DYSF: variants seen among roughly 807,000 people sequenced by gnomAD.
The protein encoded by DYSF is dysferlin.
DYSF carries 212 observed loss-of-function variants against 274.9 expected under a neutral mutation model. That is an observed-to-expected ratio of 0.77 (90% confidence interval 0.69 to 0.86). The LOEUF is 0.86. DYSF is among the 40% of genes least tolerant of loss of function. DYSF has a pLI of 0.00. For missense variants in DYSF, 2,666 were observed against 2,783.2 expected (o/e 0.96, Z 0.95); for synonymous variants, 1,091 against 1,078.7 (o/e 1.01, Z -0.22).
intron 18 of DYSF, 44 bp from the exon 19 acceptor site, chr2:71,551,563 C>A: frequency 1.3e-6 from 2 of 1,532,448 alleles, no homozygotes; most frequent in Non-Finnish European, 1.8e-6. Flanking sequence ...TTCCCCTCCT[C>A]CCCTCTGTCT....
At position 71,454,025 on chromosome 2, in the gene DYSF, C is replaced by G. The variant is rs771520271; in HGVS notation, c.27C>G (p.Ala9=). 22 of 1,614,074 alleles carry G rather than the reference C, an allele frequency of 1.4e-5. 1 individual carries two copies. The highest frequency in any genetic ancestry group is 1.9e-5 in the Non-Finnish European group (22 of 1,180,034). The change falls in exon 1 of 55, where the codon GCC becomes GCG. Residue 9 remains alanine (A), a synonymous_variant. Coordinates refer to the DYSF transcript ENST00000258104. ...TGCTGAGGGTCTTCATCCTCTATGCCGAGAACGTCCACACACCCGACACCG... is the reference window on the plus strand; with the variant it reads ...TGCTGAGGGTCTTCATCCTCTATGCGGAGAACGTCCACACACCCGACACCG...
At chr2:71,612,897 T>C (rs748213594) in intron 39 of DYSF, 91 bp downstream of exon 39, 35 of 1,446,458 alleles carry the variant, frequency 2.4e-5, no homozygotes, top group Non-Finnish European at 2.9e-5. Context: ...CTGAAACCCT[T>C]CTCTTACGGA....
intron 42 of DYSF, among the ~76,000 whole-genome samples, chr2:71,655,297 A>T (rs1418255915): frequency 2.0e-5 from 3 of 152,214 alleles, no homozygotes; most frequent in African/African-American, 2.4e-5. Context: ...AATTTTAATA[A>T]TGAACCTGTG....
At chr2:71,547,188 A>C (rs1458842221) in intron 17 of DYSF, among the ~76,000 whole-genome samples, 3 of 152,246 alleles carry the variant, frequency 2.0e-5, no homozygotes, top group Non-Finnish European at 4.4e-5. Context: ...GTCTGCAGAC[A>C]CAGGGGCGAG....
chr2:71,570,168 G>A, intron 27 of DYSF, 61 bp from the exon 28 acceptor site: 1 of 1,476,620 alleles, frequency 6.8e-7, no homozygotes, highest in African/African-American at 1.4e-5. Context: ...CATCTTTTCT[G>A]CCTCCCTGCT....
chr2:71,657,036 A>G (rs1482279774), intron 43 of DYSF, among the ~76,000 whole-genome samples: 5 of 152,176 alleles, frequency 3.3e-5, no homozygotes, highest in Non-Finnish European at 5.9e-5. Context: ...CCAAAGTCTC[A>G]TCTGAGACAA....
At chr2:71,669,476 G>A (rs2095080300) in intron 50 of DYSF, 129 bp from the exon 51 acceptor site, 35 of 1,224,858 alleles carry the variant, frequency 2.9e-5, no homozygotes, top group Non-Finnish European at 3.7e-5. Context: ...ACATCGTGCC[G>A]ATTTCCTGGG....
At chr2:71,678,653 A>AAAGC in intron 52 of DYSF, among the ~76,000 whole-genome samples, 1 of 152,330 alleles carries the variant, frequency 6.6e-6, no homozygotes, top group Middle Eastern at 3.4e-3. Context: ...ACTGAATTGT[A>AAAGC]CACTTAACAT....
intron 3 of DYSF, among the ~76,000 whole-genome samples, chr2:71,491,362 C>T (rs985168533): frequency 5.3e-5 from 8 of 152,264 alleles, no homozygotes; most frequent in African/African-American, 1.9e-4. Context: ...GTTGCACTCA[C>T]ATGGCAACAG....
intron 30 of DYSF, 110 bp downstream of exon 30, chr2:71,574,481 T>C: frequency 7.4e-7 from 1 of 1,353,902 alleles, no homozygotes; most frequent in Non-Finnish European, 1.0e-6. Flanking sequence ...GACTTTTGGA[T>C]GGAACGCTGG....
At chr2:71,479,546 A>G (rs1356409387) in intron 1 of DYSF, among the ~76,000 whole-genome samples, 1 of 152,284 alleles carries the variant, frequency 6.6e-6, no homozygotes, top group African/African-American at 2.4e-5. Context: ...CTCCCAGCCT[A>G]CGGCTCTTCC....
At chr2:71,592,627 G>A (rs946724582) in intron 32 of DYSF, among the ~76,000 whole-genome samples, 1 of 152,252 alleles carries the variant, frequency 6.6e-6, no homozygotes, top group African/African-American at 2.4e-5. Flanking sequence ...CTGGGGCCAG[G>A]GGAGGGCCTG....
intron 10 of DYSF, 142 bp from the exon 11 acceptor site, chr2:71,520,036 C>T: frequency 1.1e-6 from 1 of 891,850 alleles, no homozygotes; most frequent in South Asian, 1.3e-5. Context: ...ATTTTCTTTT[C>T]ATGTAGTATC....
At chr2:71,456,068 C>A (rs1283547620) in intron 1 of DYSF, among the ~76,000 whole-genome samples, 1 of 152,102 alleles carries the variant, frequency 6.6e-6, no homozygotes, top group African/African-American at 2.4e-5. Flanking sequence ...AGCAGCTCCC[C>A]CCATCCTGCA....
At chr2:71,520,764 C>T (rs2087174120) in intron 11 of DYSF, 25 bp from the exon 12 acceptor site, 2 of 1,606,680 alleles carry the variant, frequency 1.2e-6, no homozygotes, top group African/African-American at 1.3e-5. Flanking sequence ...ATTCTGGGAT[C>T]ACCAGAGGAT....
At chr2:71,589,014 C>T (rs1465997209) in intron 30 of DYSF, among the ~76,000 whole-genome samples, 8 of 152,178 alleles carry the variant, frequency 5.3e-5, no homozygotes, top group Non-Finnish European at 8.8e-5. Flanking sequence ...TAGCTTTATA[C>T]ACAGTAAACA....
At chr2:71,579,068 C>A (rs965284771) in intron 30 of DYSF, among the ~76,000 whole-genome samples, 1 of 152,180 alleles carries the variant, frequency 6.6e-6, no homozygotes, top group Non-Finnish European at 1.5e-5. Flanking sequence ...TATTATAGCG[C>A]GTTCCATCCA....
rs199955501 is a variant in DYSF at position 71,520,904 on chromosome 2, T to G, written c.1149T>G (p.Pro383=). ...TGCTGGGGCCTGGGGACGAAGCGCC[T>G]GTGAGTACATTTCCCTGGGTCTTCC... ...LCVLGPGDEA[P]LERKDPSEDK... Residue 383 remains proline, a splice_region_variant and synonymous_variant, in exon 12 of 56, where the codon CCT becomes CCG. Coordinates refer to ENST00000410020, the MANE Select transcript of DYSF (RefSeq NM_001130987.2). The G allele has an allele frequency of 6.6e-5, 107 of 1,613,932 alleles. No homozygotes were observed. In the East Asian group the frequency reaches 2.3e-3, roughly 34 times the overall value.
chr2:71,553,753 T>TTCCCCCCC, intron 20 of DYSF, 54 bp from the exon 21 acceptor site: 10 of 567,490 alleles, frequency 1.8e-5, no homozygotes, highest in East Asian at 6.5e-5. Context: ...TAGCACCCCA[T>TTCCCCCCC]CCCACCCGCC....
Sources: gnomAD v4.1 joint callset for allele counts (sites outside exome capture counted in the v4.1 genomes callset) on GRCh38, gnomAD v4.1.1 for gene constraint, MANE v1.5 for transcripts, NCBI Gene and HGNC (gene_info 2026-07-23, HGNC 2026-07-21) for gene names.